CTCF: variants seen among roughly 807,000 people sequenced by gnomAD.
CTCF encodes transcriptional repressor CTCF.
A neutral mutation model predicts 72.3 loss-of-function variants in CTCF; 7 were observed. The observed-to-expected ratio is 0.10, with a 90% CI of 0.06 to 0.18. The LOEUF (loss-of-function observed/expected upper bound fraction) is 0.18, where lower values mean the gene tolerates loss of function less well. CTCF is among the 10% of genes least tolerant of loss of function. The pLI, the probability that CTCF is intolerant of heterozygous loss-of-function variation, is 1.00. For synonymous variants in CTCF, 374 were observed against 315.8 expected, an observed-to-expected ratio of 1.18 and a Z score of -1.95; for missense variants, 516 against 949.1, an observed-to-expected ratio of 0.54 and a Z score of 6.00.
chr16:67,600,421 T>A (rs1287345729), intron 2 of CTCF, among the ~76,000 whole-genome samples: 1 of 151,786 alleles, frequency 6.6e-6, no homozygotes, highest in Non-Finnish European at 1.5e-5. Context: ...GTAGAGATGG[T>A]GTTTCACCAT....
At chr16:67,575,873 G>A (rs923474919) in intron 2 of CTCF, among the ~76,000 whole-genome samples, 9 of 151,858 alleles carry the variant, frequency 5.9e-5, no homozygotes, top group African/African-American at 1.9e-4. Flanking sequence ...AATCTGTTGA[G>A]CAGTAGAGAA....
intron 7 of CTCF, among the ~76,000 whole-genome samples, chr16:67,622,169 A>C (rs1331416820): frequency 2.0e-5 from 3 of 152,136 alleles, no homozygotes; most frequent in African/African-American, 4.8e-5. Context: ...ATTCTGGCTA[A>C]CATGGTGAAA....
chr16:67,624,203 AT>A (rs1401988720), intron 7 of CTCF, among the ~76,000 whole-genome samples: 14 of 150,092 alleles, frequency 9.3e-5, no homozygotes, highest in Non-Finnish European at 8.9e-5. Flanking sequence ...ATATATATGT[AT>A]GTCTTCACCC....
intron 6 of CTCF, 199 bp downstream of exon 6, chr16:67,621,016 T>TAC (rs2052192974): frequency 9.2e-6 from 4 of 435,976 alleles, no homozygotes; most frequent in Non-Finnish European, 1.6e-5. Flanking sequence ...ACCTTTTGTT[T>TAC]TGTTCAACTT....
chr16:67,629,745 CCTTTTTTTTTTTTTTTT>C (rs2052338254), intron 10 of CTCF, among the ~76,000 whole-genome samples: 3 of 85,030 alleles, frequency 3.5e-5, no homozygotes, highest in African/African-American at 4.3e-5. Context: ...TCATTAATGC[CCTTTTTTTTTTTTTTTT>C]TTTTTTTTTT....
intron 2 of CTCF, among the ~76,000 whole-genome samples, chr16:67,595,487 G>A (rs1445823413): frequency 6.6e-6 from 1 of 152,084 alleles, no homozygotes; most frequent in Admixed American, 6.6e-5. Context: ...TAGATTCTAG[G>A]AATCTAATTA....
Position 67,633,343 on chromosome 16 carries a change from G to A in CTCF, c.1838-3347G>A, listed in dbSNP as rs1303415075. On this transcript the variant is annotated intron_variant, in intron 10 of 11. Coordinates refer to ENST00000264010, the MANE Select transcript of CTCF (RefSeq NM_006565.4). ...CAGCTGGTCAGATGTCCCAGGTCAC[G>A]TACCTAGTAAGAGATCTGAGACTCA... Among the ~76,000 whole-genome samples, 7 of 152,142 alleles carry A rather than the reference G, an allele frequency of 4.6e-5. No individual in the cohort carries two copies. The East Asian group carries it at 7.7e-4, about 17-fold the overall frequency.
At chr16:67,577,051 G>T (rs2051507275) in intron 2 of CTCF, among the ~76,000 whole-genome samples, 1 of 152,142 alleles carries the variant, frequency 6.6e-6, no homozygotes, top group South Asian at 2.1e-4. Context: ...TTCTCCTGTT[G>T]CCTGTATTGC....
intron 2 of CTCF, among the ~76,000 whole-genome samples, chr16:67,586,015 T>C (rs769263181): frequency 2.6e-5 from 4 of 152,314 alleles, no homozygotes; most frequent in Middle Eastern, 3.4e-3. Context: ...TGGTATTGCC[T>C]GCATTTTTTT....
At position 67,638,552 on chromosome 16, in the gene CTCF, G is replaced by A. The variant is rs552654312; in HGVS notation, c.*680G>A. The stretch of plus-strand genomic sequence containing the variant: ...ACCACAGACTCTGTAGTGTGTAAAT[G>A]TTGACAAGGAATTGGATCACAATCA... On this transcript the variant is annotated 3_prime_UTR_variant, in exon 12 of 12. Transcript: ENST00000264010. 3.0e-4 allele frequency: 70 copies of A among 230,598 alleles called. No individual in the cohort carries two copies. The highest frequency in any genetic ancestry group is 1.5e-3 in the African/African-American group (67 of 45,268). The allele number at this position is 230,598 out of a possible 1,614,324, so 14.3% of individuals were successfully genotyped here.
intron 2 of CTCF, among the ~76,000 whole-genome samples, chr16:67,604,730 G>GTTTTTTTTTTTTTTTTTTTTTTT (rs533827293): frequency 5.7e-5 from 7 of 123,748 alleles, no homozygotes; most frequent in African/African-American, 1.0e-4. Context: ...TTTCACCAGG[G>GTTTTTTTTTTTTTTTTTTTTTTT]TTTTTTTTTT....
intron 10 of CTCF, chr16:67,635,718 A>G (rs1159346594): frequency 1.3e-5 from 2 of 149,070 alleles, no homozygotes; most frequent in Admixed American, 6.7e-5. Flanking sequence ...CAAACTCCCA[A>G]CCTCAGGTGA....
chr16:67,577,146 T>G (rs1353628805), intron 2 of CTCF, among the ~76,000 whole-genome samples: 1 of 151,730 alleles, frequency 6.6e-6, no homozygotes, highest in Non-Finnish European at 1.5e-5. Flanking sequence ...GGGCCGGGCG[T>G]GGTGGCTCAC....
chr16:67,631,165 G>GTTTTGTT (rs2052358827), intron 10 of CTCF, among the ~76,000 whole-genome samples: 1 of 131,128 alleles, frequency 7.6e-6, no homozygotes, highest in African/African-American at 3.1e-5. Flanking sequence ...TTTTTTTTTT[G>GTTTTGTT]TTTTTTGTTT....
chr16:67,572,306 T>G lies in CTCF; in HGVS notation c.-10+1042T>G, dbSNP rs1159901228. ...ATAACTTACGCCCTGCAGGTTCTTTTAGGAGTGTTGACACAGAGTGCATAC... is the reference window on the plus strand; with the variant it reads ...ATAACTTACGCCCTGCAGGTTCTTTGAGGAGTGTTGACACAGAGTGCATAC... On this transcript the variant is annotated intron_variant, in intron 2 of 11. Coordinates refer to ENST00000264010, the MANE Select transcript of CTCF (RefSeq NM_006565.4). 4.6e-5 allele frequency among the ~76,000 whole-genome samples: 7 copies of G among 152,336 alleles called. No individual in the cohort carries two copies. The East Asian group carries it at 1.3e-3, about 29-fold the overall frequency.
In CTCF at chr16:67,574,945, C is replaced by G. The variant is rs144455120; in HGVS notation, c.-10+3681C>G. On this transcript the variant is annotated intron_variant, in intron 2 of 11. Transcript: ENST00000264010. Reference sequence around the variant, plus strand: ...GTGCTGGGATTACAGGCGTGAGCCACTGCGCCCAGCCAAAAGCATCTATTC... The same window carrying G: ...GTGCTGGGATTACAGGCGTGAGCCAGTGCGCCCAGCCAAAAGCATCTATTC... Among the ~76,000 whole-genome samples, 771 of 152,240 alleles carry G rather than the reference C, an allele frequency of 5.1e-3. 6 individuals are homozygous for G. The highest frequency in any genetic ancestry group is 0.018 in the African/African-American group (754 of 41,528).
At chr16:67,624,131 A>ATATG (rs113028056) in intron 7 of CTCF, among the ~76,000 whole-genome samples, 13,526 of 139,218 alleles carry the variant, frequency 0.097, 1,444 homozygotes, top group African/African-American at 0.26. Flanking sequence ...GTGTGTATAT[A>ATATG]TATGTGTGTG....
chr16:67,611,824 A>G (rs1418762503), intron 3 of CTCF, 127 bp from the exon 4 acceptor site: 2 of 959,238 alleles, frequency 2.1e-6, no homozygotes, highest in Non-Finnish European at 3.2e-6. Context: ...GTGACATGAG[A>G]TAATTATGAC....
chr16:67,608,465 G>A (rs923816513), intron 2 of CTCF, among the ~76,000 whole-genome samples: 2 of 152,238 alleles, frequency 1.3e-5, no homozygotes, highest in Non-Finnish European at 2.9e-5. Context: ...CTACAAACAC[G>A]GCCATTGCAG....
Sources: gnomAD v4.1 joint callset for allele counts (sites outside exome capture counted in the v4.1 genomes callset) on GRCh38, gnomAD v4.1.1 for gene constraint, MANE v1.5 for transcripts, NCBI Gene and HGNC (gene_info 2026-07-23, HGNC 2026-07-21) for gene names.